The following SPARC variants were observed in gnomAD, a reference collection of about 807,000 sequenced individuals.
The protein encoded by SPARC is secreted protein acidic and cysteine rich, also known as basement-membrane protein 40.
SPARC carries 23 observed loss-of-function variants against 37.7 expected under a neutral mutation model. That is an observed-to-expected ratio of 0.61 (90% CI 0.44 to 0.87). The LOEUF (loss-of-function observed/expected upper bound fraction) is 0.87. SPARC is among the 40% of genes least tolerant of loss of function. The pLI, the probability that SPARC is intolerant of heterozygous loss-of-function variation, is 0.00. For synonymous variants in SPARC, 155 were observed against 150.8 expected, an observed-to-expected ratio of 1.03 and a Z score of -0.20; for missense variants, 312 against 389.0, an observed-to-expected ratio of 0.80 and a Z score of 1.66.
intron 8 of SPARC, among the ~76,000 whole-genome samples, chr5:151,664,649 A>G (rs1561915731): frequency 2.0e-5 from 3 of 152,242 alleles, no homozygotes; most frequent in Non-Finnish European, 2.9e-5. Context: ...ACAGCACTGT[A>G]TATTGTCTAT....
At chr5:151,674,703 G>A (rs200048652) in intron 2 of SPARC, 29 bp from the exon 3 acceptor site, 2 of 1,612,312 alleles carry the variant, frequency 1.2e-6, no homozygotes, top group Admixed American at 1.7e-5. Flanking sequence ...AGCGTTCAGA[G>A]GGGTCAGGAA....
intron 1 of SPARC, among the ~76,000 whole-genome samples, chr5:151,677,441 A>G (rs1760882551): frequency 6.6e-6 from 1 of 152,116 alleles, no homozygotes; most frequent in Admixed American, 6.5e-5. Context: ...TTCTTCCAAG[A>G]CTTCTCAACT....
intron 1 of SPARC, chr5:151,686,291 G>C (rs1399885529): frequency 6.6e-6 from 1 of 152,298 alleles, no homozygotes; most frequent in Non-Finnish European, 1.5e-5. Context: ...GGGGACGGAA[G>C]GTGGTGTTTG....
intron 4 of SPARC, chr5:151,672,677 C>T (rs75257141): frequency 0.041 from 7,022 of 171,862 alleles, 216 homozygotes; most frequent in Non-Finnish European, 0.058. Context: ...CTCAGGACCT[C>T]GTTTCCTTGG....
intron 7 of SPARC, 46 bp downstream of exon 7, chr5:151,667,421 G>C: frequency 6.2e-7 from 1 of 1,612,408 alleles, no homozygotes. Flanking sequence ...GAATGGGACT[G>C]GATCTTCACC....
chr5:151,686,430 T>A (rs992625273), intron 1 of SPARC: 1 of 152,188 alleles, frequency 6.6e-6, no homozygotes, highest in Non-Finnish European at 1.5e-5. Context: ...ACAGAACCCC[T>A]GACCGAGATC....
chr5:151,665,272 G>A (rs998169209), intron 8 of SPARC, among the ~76,000 whole-genome samples: 6 of 152,306 alleles, frequency 3.9e-5, no homozygotes, highest in African/African-American at 1.4e-4. Context: ...CTGTTGCAGT[G>A]GGATCAAATT....
chr5:151,678,460 T>C (rs924487654), intron 1 of SPARC, among the ~76,000 whole-genome samples: 2 of 152,194 alleles, frequency 1.3e-5, no homozygotes, highest in African/African-American at 4.8e-5. Context: ...CTAAGTCTTA[T>C]AGTGCTGCTT....
At position 151,663,220 on chromosome 5, in the gene SPARC, T is replaced by G. The variant is rs1036467432; in HGVS notation, c.*351A>C. ...AAGTCTGACTCGGTAAGTATTAGTT[T>G]CAAACAGAACACTAAAGAGAAAAGT... On this transcript the variant is annotated 3_prime_UTR_variant, in exon 10 of 10. Coordinates refer to ENST00000231061, the MANE Select transcript of SPARC (RefSeq NM_003118.4). 4.3e-5 allele frequency: 10 copies of G among 233,860 alleles called. No homozygotes were observed. The East Asian group carries it at 1.1e-3, about 26-fold the overall frequency. The allele number at this position is 233,860 out of a possible 1,614,324, so 14.5% of individuals were successfully genotyped here. A position where few individuals can be genotyped will look rare whatever the true frequency, so the allele number is the denominator to read the frequency against.
chr5:151,663,574 G>A lies in SPARC; in HGVS notation c.909C>T (p.Ile303=), dbSNP rs1291437006. 6.2e-7 allele frequency: 1 copy of A among 1,613,932 alleles called. No individual in the cohort carries two copies. The highest frequency in any genetic ancestry group is 8.5e-7 in the Non-Finnish European group (1 of 1,179,800). Residue 303 remains isoleucine, a synonymous_variant, in exon 10 of 10, where the codon ATC becomes ATT. Coordinates refer to ENST00000231061, the MANE Select transcript of SPARC (RefSeq NM_003118.4). ...KQKDIDKDLV[I] ...CGGTACTGTGGAAGGAGTGGATTTA[G>A]ATCACAAGATCCTTGTCGATATCCT...
intron 1 of SPARC, among the ~76,000 whole-genome samples, chr5:151,685,392 CCT>C (rs5872225): frequency 8.6e-4 from 122 of 141,146 alleles, no homozygotes; most frequent in African/African-American, 2.5e-3. Flanking sequence ...CCATATTCAT[CCT>C]CTCTCTCTCT....
Position 151,663,277 on chromosome 5 carries a change from C to A in SPARC, c.*294G>T. 2.4e-6 allele frequency: 1 copy of A among 412,362 alleles called. No individual in the cohort carries two copies. The allele number at this position is 412,362 out of a possible 1,614,324, so 25.5% of individuals were successfully genotyped here. ...TGCAATGTGTGTTTAAGGCAGAGCC[C>A]AGCAGATCCGTGTCCACCCATGTGC... On this transcript the variant is annotated 3_prime_UTR_variant, in exon 10 of 10. Coordinates refer to ENST00000231061, the MANE Select transcript of SPARC (RefSeq NM_003118.4).
At position 151,663,542 on chromosome 5, in the gene SPARC, G is replaced by T. The variant is rs1053411; in HGVS notation, c.*29C>A. 1 of 1,607,978 alleles carries T rather than the reference G, an allele frequency of 6.2e-7. No individual in the cohort carries two copies. The highest frequency in any genetic ancestry group is 1.1e-5 in the South Asian group (1 of 90,818). On this transcript the variant is annotated 3_prime_UTR_variant, in exon 10 of 10. Coordinates refer to ENST00000231061, the MANE Select transcript of SPARC (RefSeq NM_003118.4). ...GAAACACGAAGGGGAGGGTTAAAGA[G>T]AGAATCCGGTACTGTGGAAGGAGTG...
At chr5:151,685,030 C>G (rs1434456294) in intron 1 of SPARC, 2 of 152,134 alleles carry the variant, frequency 1.3e-5, no homozygotes, top group African/African-American at 4.8e-5. Flanking sequence ...AGGGTCCCCT[C>G]CAGCCAGCAG....
intron 1 of SPARC, among the ~76,000 whole-genome samples, chr5:151,681,205 G>A (rs1010576611): frequency 2.0e-5 from 3 of 152,340 alleles, no homozygotes; most frequent in South Asian, 2.1e-4. Context: ...GTTGGGACTC[G>A]GAAGGAGCCT....
At chr5:151,676,080 T>G (rs771033868) in intron 2 of SPARC, 52 bp downstream of exon 2, 5 of 1,491,576 alleles carry the variant, frequency 3.4e-6, no homozygotes, top group Admixed American at 3.7e-5. Flanking sequence ...TCAGAACCCC[T>G]GGTGCTAGCG....
intron 1 of SPARC, among the ~76,000 whole-genome samples, chr5:151,682,350 C>T (rs115333000): frequency 0.033 from 5,097 of 152,236 alleles, 149 homozygotes; most frequent in Admixed American, 0.092. Context: ...ATCCTTGGCT[C>T]CCTCTAGGGC....
rs191865292 is a variant in SPARC, at chr5:151,681,914, A to G, written c.-14+4951T>C. On this transcript the variant is annotated intron_variant, in intron 1 of 9. Coordinates refer to ENST00000231061, the MANE Select transcript of SPARC (RefSeq NM_003118.4). ...CTCTCAAAAAAATCCACAAAAAAGA[A>G]AAGCAGATAAAAGTGGAGTGGAGCT... Among the ~76,000 whole-genome samples, 30 of 152,344 alleles carry G rather than the reference A, an allele frequency of 2.0e-4. 1 individual carries two copies. In the East Asian group the frequency reaches 5.4e-3, roughly 27 times the overall value.
At chr5:151,663,949 T>TAGGCAGAGAGAGCAGAGAC in intron 9 of SPARC, 138 bp downstream of exon 9, 1 of 1,008,642 alleles carries the variant, frequency 9.9e-7, no homozygotes, top group Non-Finnish European at 1.5e-6. Flanking sequence ...AGGAGTCAAA[T>TAGGCAGAGAGAGCAGAGAC]AGGCAGAGAG....
Sources: allele counts gnomAD v4.1 joint callset (sites outside exome capture counted in the v4.1 genomes callset), GRCh38; gene constraint gnomAD v4.1.1; transcripts MANE v1.5; gene names NCBI Gene and HGNC (gene_info 2026-07-23, HGNC 2026-07-21).